Variants in TYW1B observed in about 807,000 individuals in gnomAD.
TYW1B encodes S-adenosyl-L-methionine-dependent tRNA 4-demethylwyosine synthase TYW1B.
TYW1B carries 73 observed loss-of-function variants against 86.9 expected under a neutral mutation model. The observed-to-expected ratio is 0.84, with a 90% confidence interval of 0.70 to 1.02. The LOEUF (loss-of-function observed/expected upper bound fraction) is 1.02. TYW1B is among the 50% of genes least tolerant of loss of function. TYW1B has a pLI of 0.00. For missense variants in TYW1B, 637 were observed against 827.4 expected, an observed-to-expected ratio of 0.77 and a Z score of 2.82; for synonymous variants, 248 against 292.8, an observed-to-expected ratio of 0.85 and a Z score of 1.56.
chr7:72,645,858 A>T (rs1332968225), intron 11 of TYW1B, among the ~76,000 whole-genome samples: 3 of 151,652 alleles, frequency 2.0e-5, no homozygotes, highest in African/African-American at 7.3e-5. Flanking sequence ...TTTTGTAATA[A>T]TTCATCCAGC....
intron 11 of TYW1B, among the ~76,000 whole-genome samples, chr7:72,685,458 C>G (rs1399105830): frequency 6.6e-6 from 1 of 152,114 alleles, no homozygotes; most frequent in Non-Finnish European, 1.5e-5. Context: ...GTTGCAAGAA[C>G]AGACAAATAG....
intron 5 of TYW1B, among the ~76,000 whole-genome samples, chr7:72,805,794 G>A (rs1470392662): frequency 1.3e-5 from 2 of 152,170 alleles, no homozygotes; most frequent in Admixed American, 1.3e-4. Flanking sequence ...CAGATCATCC[G>A]CAAGGATGCC....
In TYW1B at chr7:72,828,136, G is replaced by C. The variant is rs1456750253; in HGVS notation, c.-61C>G. On this transcript the variant is annotated 5_prime_UTR_variant, in exon 1 of 14. Transcript: ENST00000620995. Reference sequence around the variant, plus strand: ...CCTGGAGAGCCCAAAGGTTCGCACTGGTACTGCGAGACGCACCGAGCTACC... The same window carrying C: ...CCTGGAGAGCCCAAAGGTTCGCACTCGTACTGCGAGACGCACCGAGCTACC... The C allele has an allele frequency of 1.2e-6, 2 of 1,609,198 alleles. No homozygotes were observed. The highest frequency in any genetic ancestry group is 1.7e-6 in the Non-Finnish European group (2 of 1,178,008).
chr7:72,822,182 A>G (rs1280519466), intron 2 of TYW1B, among the ~76,000 whole-genome samples: 47 of 149,592 alleles, frequency 3.1e-4, no homozygotes, highest in Admixed American at 1.3e-3. Flanking sequence ...AAAAAAAAAA[A>G]AAGAAGAAGA....
At position 72,751,041 on chromosome 7, in the gene TYW1B, CTTT is replaced by C. The variant is rs376564412; in HGVS notation, c.965-6443_965-6441del. Among the ~76,000 whole-genome samples, 167 of 146,356 alleles carry C rather than the reference CTTT, an allele frequency of 1.1e-3. 1 individual carries two copies. The highest frequency in any genetic ancestry group is 3.5e-3 in the Middle Eastern group (1 of 288). ...ATGTTGTTCAGATTGGGTAAATTCC[CTTT>C]TTTTTTTTTTTGAAACAGAGTCTAG... On this transcript the variant is annotated intron_variant, in intron 7 of 13. Coordinates refer to ENST00000620995, the MANE Select transcript of TYW1B (RefSeq NM_001145440.3).
At chr7:72,773,691 G>C (rs1363503524) in intron 7 of TYW1B, among the ~76,000 whole-genome samples, 1 of 152,268 alleles carries the variant, frequency 6.6e-6, no homozygotes, top group Admixed American at 6.5e-5. Flanking sequence ...ACTACCCAAG[G>C]ATGGGAAAGA....
chr7:72,705,829 C>T (rs1814595798), intron 10 of TYW1B, among the ~76,000 whole-genome samples: 1 of 152,164 alleles, frequency 6.6e-6, no homozygotes, highest in Non-Finnish European at 1.5e-5. Flanking sequence ...TCCTCAACAA[C>T]TTCCTTGCCT....
At chr7:72,773,098 A>T (rs1197497180) in intron 7 of TYW1B, among the ~76,000 whole-genome samples, 2 of 152,202 alleles carry the variant, frequency 1.3e-5, no homozygotes, top group Non-Finnish European at 2.9e-5. Context: ...TCATACTATC[A>T]TAGAAATCAT....
At chr7:72,602,149 A>G (rs1312794708) in intron 13 of TYW1B, among the ~76,000 whole-genome samples, 2 of 152,214 alleles carry the variant, frequency 1.3e-5, no homozygotes, top group Non-Finnish European at 2.9e-5. Flanking sequence ...TGAAGGGCAT[A>G]GAGGGGGAAA....
chr7:72,631,080 C>A (rs2129568741), intron 11 of TYW1B, among the ~76,000 whole-genome samples: 1 of 152,066 alleles, frequency 6.6e-6, no homozygotes, highest in South Asian at 2.1e-4. Context: ...TAAAAGCCAT[C>A]CCTGCTTTTA....
At chr7:72,580,692 C>G (rs1396000112) in intron 13 of TYW1B, among the ~76,000 whole-genome samples, 1 of 152,088 alleles carries the variant, frequency 6.6e-6, no homozygotes, top group Non-Finnish European at 1.5e-5. Flanking sequence ...GGCATAGGTT[C>G]TCTGTTAGTG....
At chr7:72,767,962 A>AT (rs1470939149) in intron 7 of TYW1B, among the ~76,000 whole-genome samples, 1 of 151,980 alleles carries the variant, frequency 6.6e-6, no homozygotes, top group Non-Finnish European at 1.5e-5. Flanking sequence ...TTAAAACTAC[A>AT]TATGGGGCCA....
chr7:72,808,964 A>AT (rs1266976611), intron 4 of TYW1B, among the ~76,000 whole-genome samples: 2 of 151,580 alleles, frequency 1.3e-5, no homozygotes, highest in African/African-American at 4.8e-5. Context: ...CCATCGTTTC[A>AT]TTTTTTCAAG....
At chr7:72,814,994 T>C (rs1435182636) in intron 3 of TYW1B, among the ~76,000 whole-genome samples, 3 of 142,754 alleles carry the variant, frequency 2.1e-5, no homozygotes, top group African/African-American at 7.9e-5. Flanking sequence ...CACTTGAACC[T>C]GGAGACGGAC....
intron 11 of TYW1B, among the ~76,000 whole-genome samples, chr7:72,636,533 C>T (rs1268534841): frequency 6.6e-6 from 1 of 152,178 alleles, no homozygotes; most frequent in African/African-American, 2.4e-5. Flanking sequence ...AGATTTTAAA[C>T]ATTTACTCAA....
At chr7:72,719,698 G>A (rs1459178636) in intron 9 of TYW1B, among the ~76,000 whole-genome samples, 1 of 150,824 alleles carries the variant, frequency 6.6e-6, no homozygotes, top group African/African-American at 2.4e-5. Context: ...GCAGGGCAAT[G>A]AAGATGTGGG....
chr7:72,803,459 T>C (rs1788440632), intron 5 of TYW1B, among the ~76,000 whole-genome samples: 1 of 152,194 alleles, frequency 6.6e-6, no homozygotes. Context: ...CCCATTCATT[T>C]CATCCTTAAC....
intron 13 of TYW1B, among the ~76,000 whole-genome samples, chr7:72,590,545 T>C (rs11973489): frequency 6.6e-6 from 1 of 152,028 alleles, no homozygotes; most frequent in Non-Finnish European, 1.5e-5. Flanking sequence ...AAAATAAACA[T>C]ATTTATAGGG....
intron 2 of TYW1B, among the ~76,000 whole-genome samples, chr7:72,821,911 G>A (rs1554480523): frequency 1.3e-5 from 2 of 152,004 alleles, no homozygotes; most frequent in African/African-American, 2.4e-5. Flanking sequence ...AAGGTAACTC[G>A]ATATGAAAGT....
Sources: allele counts gnomAD v4.1 joint callset (sites outside exome capture counted in the v4.1 genomes callset), GRCh38; gene constraint gnomAD v4.1.1; transcripts MANE v1.5; gene names NCBI Gene and HGNC (gene_info 2026-07-23, HGNC 2026-07-21).